FRMD4A: variants seen among roughly 807,000 people sequenced by gnomAD.
FRMD4A encodes FERM domain containing 4A, also known as FERM domain-containing protein 4A.
Under a neutral mutation model 129.1 loss-of-function variants are expected in FRMD4A, and 29 were observed. The ratio of observed to expected loss-of-function variants is 0.22; its 90% CI spans 0.17 to 0.31. The LOEUF (loss-of-function observed/expected upper bound fraction) is 0.31, where lower values mean the gene tolerates loss of function less well. FRMD4A is among the 10% of genes least tolerant of loss of function. FRMD4A has a pLI of 1.00. For synonymous variants in FRMD4A, 634 were observed against 571.6 expected (o/e 1.11, Z -1.56); for missense variants, 1,272 against 1,375.8 (o/e 0.92, Z 1.19).
At chr10:14,330,319 A>AC in intron 1 of FRMD4A, 136 bp from the exon 2 acceptor site, 1 of 545,458 alleles carries the variant, frequency 1.8e-6, no homozygotes. Context: ...AAAAAAAAAA[A>AC]AGAAGAAGGA....
intron 2 of FRMD4A, among the ~76,000 whole-genome samples, chr10:14,279,954 G>A (rs1209147435): frequency 4.6e-5 from 7 of 152,252 alleles, no homozygotes; most frequent in Admixed American, 1.3e-4. Context: ...CAGAAAGGTG[G>A]GATTGTTCAA....
In FRMD4A at chr10:13,964,533, G is replaced by A. The variant is rs373106069; in HGVS notation, c.46-105621C>T. ...GAGGTCGATTTGTCATGAAACCAAT[G>A]AAGCTTAAACTTCAGGGTTCCTCAC... On this transcript the variant is annotated intron_variant, in intron 2 of 24. Transcript: ENST00000357447. 1.7e-4 allele frequency among the ~76,000 whole-genome samples: 26 copies of A among 152,270 alleles called. No individual in the cohort carries two copies. In the East Asian group the frequency reaches 4.8e-3, roughly 28 times the overall value.
At chr10:13,800,797 A>C (rs761080627) in intron 4 of FRMD4A, among the ~76,000 whole-genome samples, 3 of 152,242 alleles carry the variant, frequency 2.0e-5, no homozygotes, top group Non-Finnish European at 2.9e-5. Flanking sequence ...ACAGAGGACA[A>C]ACAGACAGAT....
At chr10:13,911,341 A>G (rs1233891370) in intron 2 of FRMD4A, among the ~76,000 whole-genome samples, 1 of 152,214 alleles carries the variant, frequency 6.6e-6, no homozygotes, top group African/African-American at 2.4e-5. Context: ...CCTCAAGTTC[A>G]GTTCATATTA....
chr10:13,773,941 T>C (rs1461303112), intron 6 of FRMD4A, among the ~76,000 whole-genome samples: 1 of 152,202 alleles, frequency 6.6e-6, no homozygotes, highest in African/African-American at 2.4e-5. Context: ...TGCCGTCTTA[T>C]TGGTCTCTTT....
chr10:14,025,497 C>T (rs1832949289), intron 2 of FRMD4A, among the ~76,000 whole-genome samples: 1 of 152,186 alleles, frequency 6.6e-6, no homozygotes, highest in Admixed American at 6.5e-5. Context: ...GACAAGGGAT[C>T]AGACTGTGGA....
intron 4 of FRMD4A, among the ~76,000 whole-genome samples, chr10:13,802,060 G>A (rs1214513916): frequency 1.4e-5 from 2 of 141,900 alleles, no homozygotes; most frequent in Non-Finnish European, 3.1e-5. Context: ...TTGTTATTAT[G>A]TGACTGATAA....
chr10:13,800,306 A>G (rs1275216851), intron 4 of FRMD4A, among the ~76,000 whole-genome samples: 2 of 152,220 alleles, frequency 1.3e-5, no homozygotes, highest in Non-Finnish European at 2.9e-5. Flanking sequence ...CAAAAGAAGT[A>G]TTTGCTCATT....
At chr10:13,860,918 A>G (rs1032995179) in intron 2 of FRMD4A, among the ~76,000 whole-genome samples, 3 of 152,160 alleles carry the variant, frequency 2.0e-5, no homozygotes, top group Admixed American at 6.5e-5. Flanking sequence ...AGCTGGGACT[A>G]CAGAGCAGTC....
At chr10:14,132,734 T>C (rs939870859) in intron 2 of FRMD4A, among the ~76,000 whole-genome samples, 16 of 152,216 alleles carry the variant, frequency 1.1e-4, no homozygotes, top group African/African-American at 3.9e-4. Flanking sequence ...TCAGGACACA[T>C]CATGGCCACT....
chr10:13,831,719 C>A (rs1234175391), intron 3 of FRMD4A, among the ~76,000 whole-genome samples: 2 of 152,196 alleles, frequency 1.3e-5, no homozygotes, highest in African/African-American at 4.8e-5. Context: ...TCCTTCCACA[C>A]GTCCACTGTG....
At chr10:13,739,269 T>A (rs2090846552) in intron 11 of FRMD4A, among the ~76,000 whole-genome samples, 1 of 152,218 alleles carries the variant, frequency 6.6e-6, no homozygotes, top group African/African-American at 2.4e-5. Context: ...AATCCTTGTA[T>A]TAAACCCCTG....
intron 2 of FRMD4A, among the ~76,000 whole-genome samples, chr10:13,904,228 T>A (rs914853786): frequency 9.4e-6 from 1 of 106,670 alleles, no homozygotes. Context: ...TATTTCCTGC[T>A]GGCGTTTCGC....
At chr10:13,688,437 T>C (rs1308557408) in intron 15 of FRMD4A, among the ~76,000 whole-genome samples, 1 of 152,098 alleles carries the variant, frequency 6.6e-6, no homozygotes, top group African/African-American at 2.4e-5. Context: ...GAGATATACC[T>C]AATGCTAAAT....
chr10:13,761,717 TAG>T (rs765420469), intron 7 of FRMD4A, 48 bp from the exon 8 acceptor site: 54 of 1,312,896 alleles, frequency 4.1e-5, no homozygotes, highest in Non-Finnish European at 5.8e-5. Context: ...AAGCCAATGT[TAG>T]AGACTCTAAA....
At chr10:13,652,989 C>G (rs1019105633) in intron 23 of FRMD4A, 9 of 151,600 alleles carry the variant, frequency 5.9e-5, no homozygotes, top group African/African-American at 2.2e-4. Context: ...TTCCAGCTCC[C>G]TCCAGCTGTC....
rs181180455 is a variant in FRMD4A, at chr10:13,805,448, C to A, written c.206+5366G>T. On this transcript the variant is annotated intron_variant, in intron 4 of 24. Coordinates refer to ENST00000357447, the MANE Select transcript of FRMD4A (RefSeq NM_018027.5). ...AGGCTTTTTTTTTCTTAAAAAAAAA[C>A]CCCCAAAAAATCAATCACAAAAGAT... is the stretch of plus-strand genomic sequence containing the variant. 1.7e-3 allele frequency among the ~76,000 whole-genome samples: 247 copies of A among 148,732 alleles called. 1 individual carries two copies. Among genetic ancestry groups the A allele is most frequent in the African/African-American group, 3.8e-3 (156 of 40,532 alleles).
intron 2 of FRMD4A, among the ~76,000 whole-genome samples, chr10:14,028,714 T>G (rs763678516): frequency 2.4e-4 from 37 of 152,148 alleles, no homozygotes; most frequent in Non-Finnish European, 4.9e-4. Context: ...ATATCCATAC[T>G]CCCACCCTGT....
rs149056534 is a variant in FRMD4A, at chr10:14,310,194, C to A, written c.45+19864G>T. Among the ~76,000 whole-genome samples the A allele has an allele frequency of 1.8e-3, 274 of 152,318 alleles. 2 individuals carry two copies. Among genetic ancestry groups the A allele is most frequent in the African/African-American group, 6.5e-3 (269 of 41,574 alleles). ...GCTCAGCCCTTCCCTTGAGCTCTCG[C>A]CTTATTGGGTTTTGTTGTTCATTTC... On this transcript the variant is annotated intron_variant, in intron 2 of 24. Coordinates refer to ENST00000357447, the MANE Select transcript of FRMD4A (RefSeq NM_018027.5).
Sources: allele counts gnomAD v4.1 joint callset (sites outside exome capture counted in the v4.1 genomes callset), GRCh38; gene constraint gnomAD v4.1.1; transcripts MANE v1.5; gene names NCBI Gene and HGNC (gene_info 2026-07-23, HGNC 2026-07-21).